MMAB: variants seen among roughly 807,000 people sequenced by gnomAD.
MMAB encodes metabolism of cobalamin associated B, also known as corrinoid adenosyltransferase MMAB.
A neutral mutation model predicts 30.6 loss-of-function variants in MMAB; 17 were observed. That is an observed-to-expected ratio of 0.56 (90% CI 0.38 to 0.83). The LOEUF is 0.83. Among genes scored for constraint, MMAB ranks in the 40% least tolerant of loss-of-function variants. The probability of loss-of-function intolerance (pLI) is 0.00; values close to 1 mark genes in which losing one functional copy is unlikely to be tolerated. For synonymous variants in MMAB, 134 were observed against 138.6 expected (o/e 0.97, Z 0.23); for missense variants, 311 against 331.6 (o/e 0.94, Z 0.48).
rs950060550 is a variant in MMAB, at chr12:109,561,923, G to A, written c.349-71C>T. ...CTGGACAGAGACAATGTGCAGAGGC[G>A]CCACCTAATACGCCGGCAAAGCCTG... On this transcript the variant is annotated intron_variant, in intron 4 of 8. Transcript: ENST00000545712. The surrounding 1 kb of genome is among the most constrained non-coding windows in gnomAD (Gnocchi z 5.3). The A allele has an allele frequency of 2.2e-5, 31 of 1,390,696 alleles. 1 individual carries two copies. In the Admixed American group the frequency reaches 3.1e-4, roughly 14 times the overall value. The allele number at this position is 1,390,696 out of a possible 1,614,324, so 86.1% of individuals were successfully genotyped here. A position where few individuals can be genotyped will look rare whatever the true frequency, so the allele number is the denominator to read the frequency against.
In MMAB at chr12:109,561,041, G is replaced by T. The variant is rs199853576; in HGVS notation, c.583C>A (p.Arg195Ser). The T allele has an allele frequency of 1.4e-6, 2 of 1,439,994 alleles. No individual in the cohort carries two copies. Among genetic ancestry groups the T allele is most frequent in the Non-Finnish European group, 9.3e-7 (1 of 1,076,320 alleles). 89.2% of individuals were successfully genotyped at this position (1,439,994 alleles called of 1,614,324 possible). The change falls in exon 7 of 9, where the codon CGT becomes AGT. Residue 195 changes from arginine to serine, a missense_variant and splice_region_variant. Arg to Ser is a moderately radical substitution (Grantham distance 110). Transcript: ENST00000545712. This position sits in a 1 kb window ranked among gnomAD's most constrained non-coding sequence, Gnocchi z 5.3. Reference protein sequence around the residue: ...CRAVCRRAERRVVPLVQMGET... With the variant: ...CRAVCRRAERSVVPLVQMGET... ...TCTCCCTCTCTCCAGCCCTCTTACC[G>T]TCTCTCGGCCCGGCGGCACACGGCC...
At chr12:109,567,404 C>G (rs776505070) in intron 3 of MMAB, among the ~76,000 whole-genome samples, 2 of 152,160 alleles carry the variant, frequency 1.3e-5, no homozygotes, top group Non-Finnish European at 2.9e-5. Flanking sequence ...GCAGCTGGGT[C>G]TGTCTGGCTC....
At chr12:109,560,059 G>A (rs1003449659) in intron 7 of MMAB, among the ~76,000 whole-genome samples, 1 of 152,236 alleles carries the variant, frequency 6.6e-6, no homozygotes, top group Non-Finnish European at 1.5e-5. Context: ...GTTGTTTCCA[G>A]TTTCTTGCTA....
intron 1 of MMAB, among the ~76,000 whole-genome samples, chr12:109,572,236 T>C (rs979233834): frequency 6.6e-6 from 1 of 150,446 alleles, no homozygotes; most frequent in Non-Finnish European, 1.5e-5. Context: ...AAATTATTTA[T>C]TTATTTATTA....
chr12:109,571,359 C>G (rs944443716), intron 2 of MMAB, among the ~76,000 whole-genome samples: 1 of 152,012 alleles, frequency 6.6e-6, no homozygotes, highest in African/African-American at 2.4e-5. Flanking sequence ...AGCAATTCTC[C>G]TGCCTCAGCC....
intron 4 of MMAB, among the ~76,000 whole-genome samples, chr12:109,563,098 G>C (rs1884273388): frequency 6.6e-6 from 1 of 152,248 alleles, no homozygotes; most frequent in Admixed American, 6.5e-5. Context: ...CCTTCCCAGG[G>C]CTTCTGACCA....
In MMAB at chr12:109,557,081, G is replaced by A. The variant is rs369296618; in HGVS notation, c.700C>T (p.Gln234Ter). The change falls in exon 9 of 9, where the codon CAA becomes TAA. Residue 234 changes from glutamine to a stop codon, truncating the protein, a stop_gained. Transcript: ENST00000545712. LOFTEE classifies it low-confidence loss of function (END_TRUNC). ...TCATTTTTCATGTATATTTTCTCTT[G>A]ATTCCCCTCCTTCATGGCTGCATAT... is the stretch of plus-strand genomic sequence containing the variant. ...ARYAAMKEGN[Q>*]EKIYMKNDPS... 266 of 1,613,778 alleles carry A rather than the reference G, an allele frequency of 1.6e-4. No individual in the cohort carries two copies. The highest frequency in any genetic ancestry group is 2.2e-4 in the Non-Finnish European group (258 of 1,179,772).
chr12:109,556,834 G>T lies in MMAB; in HGVS notation c.*194C>A. The T allele has an allele frequency of 1.5e-6, 1 of 678,486 alleles. No homozygotes were observed. The highest frequency in any genetic ancestry group is 2.7e-6 in the Non-Finnish European group (1 of 371,064). 42.0% of individuals were successfully genotyped at this position (678,486 alleles called of 1,614,324 possible). A position where few individuals can be genotyped will look rare whatever the true frequency, so the allele number is the denominator to read the frequency against. ...GGAGAGCTTGGGGAAGCAGGGTCAG[G>T]GACAGAATCCCCAAAGGGTCACAGT... On this transcript the variant is annotated 3_prime_UTR_variant, in exon 9 of 9. Transcript: ENST00000545712.
Position 109,554,758 on chromosome 12 carries a change from C to G in MMAB, c.*2270G>C, listed in dbSNP as rs1017558628. The stretch of plus-strand genomic sequence containing the variant: ...CACATCTTTTCTTTTGCCTCGGGCT[C>G]TTGATAGAGCTTTTGAAAGGCACTG... On this transcript the variant is annotated 3_prime_UTR_variant, in exon 9 of 9. Transcript: ENST00000545712. 3.7e-5 allele frequency: 17 copies of G among 454,030 alleles called. No individual in the cohort carries two copies. The highest frequency in any genetic ancestry group is 7.5e-5 in the Non-Finnish European group (17 of 226,812). 28.1% of individuals were successfully genotyped at this position (454,030 alleles called of 1,614,324 possible).
rs1279064846 is a variant in MMAB at position 109,561,938 on chromosome 12, G to A, written c.349-86C>T. The A allele has an allele frequency of 3.0e-5, 36 of 1,203,234 alleles. No individual in the cohort carries two copies. Among genetic ancestry groups the A allele is most frequent in the South Asian group, 5.2e-5 (4 of 77,036 alleles). 74.5% of individuals were successfully genotyped at this position (1,203,234 alleles called of 1,614,324 possible). Reference sequence around the variant, plus strand: ...GTGCAGAGGCGCCACCTAATACGCCGGCAAAGCCTGTGCCAGCTAGCTCAT... The same window carrying A: ...GTGCAGAGGCGCCACCTAATACGCCAGCAAAGCCTGTGCCAGCTAGCTCAT... On this transcript the variant is annotated intron_variant, in intron 4 of 8. Coordinates refer to ENST00000545712, the MANE Select transcript of MMAB (RefSeq NM_052845.4). The surrounding 1 kb of genome is among the most constrained non-coding windows in gnomAD (Gnocchi z 5.3).
At chr12:109,573,171 A>C in intron 1 of MMAB, 176 bp downstream of exon 1, 1 of 769,308 alleles carries the variant, frequency 1.3e-6, no homozygotes, top group South Asian at 1.6e-5. Flanking sequence ...GACTTAGGCA[A>C]AGACTACCTG....
Position 109,553,934 on chromosome 12 carries a change from T to A in MMAB, c.*3094A>T. ...TTTGTCATTGGGATGTGTTACAAGT[T>A]CGGGCTGTGGAAATTACTCGATGAA... On this transcript the variant is annotated 3_prime_UTR_variant, in exon 9 of 9. Coordinates refer to ENST00000545712, the MANE Select transcript of MMAB (RefSeq NM_052845.4). The A allele has an allele frequency of 2.2e-6, 1 of 454,036 alleles. No homozygotes were observed. Among genetic ancestry groups the A allele is most frequent in the Non-Finnish European group, 4.4e-6 (1 of 226,772 alleles). The allele number at this position is 454,036 out of a possible 1,614,324, so 28.1% of individuals were successfully genotyped here.
Position 109,555,165 on chromosome 12 carries a change from A to G in MMAB, c.*1863T>C, listed in dbSNP as rs1005962939. The G allele has an allele frequency of 2.2e-6, 1 of 452,442 alleles. No homozygotes were observed. The highest frequency in any genetic ancestry group is 4.4e-6 in the Non-Finnish European group (1 of 226,570). 28.0% of individuals were successfully genotyped at this position (452,442 alleles called of 1,614,324 possible). A position where few individuals can be genotyped will look rare whatever the true frequency, so the allele number is the denominator to read the frequency against. On this transcript the variant is annotated 3_prime_UTR_variant, in exon 9 of 9. Coordinates refer to ENST00000545712, the MANE Select transcript of MMAB (RefSeq NM_052845.4). ...CTGCTGTGTTATTTTATATATATAT[A>G]TATATTCCAGGAAGATTTTGAGATT...
chr12:109,561,535 A>G lies in MMAB; in HGVS notation c.422-18T>C, dbSNP rs1286944090. On this transcript the variant is annotated intron_variant, in intron 5 of 8. Coordinates refer to ENST00000545712, the MANE Select transcript of MMAB (RefSeq NM_052845.4). The surrounding 1 kb of genome is among the most constrained non-coding windows in gnomAD (Gnocchi z 5.3). Reference sequence around the variant, plus strand: ...GGTATACTCTGAGGAGCCAAGGAGCAGAGGGAACTGCCATGAGGCCATCAC... The same window carrying G: ...GGTATACTCTGAGGAGCCAAGGAGCGGAGGGAACTGCCATGAGGCCATCAC... The G allele has an allele frequency of 1.3e-6, 2 of 1,542,188 alleles. No individual in the cohort carries two copies. The highest frequency in any genetic ancestry group is 1.7e-6 in the Non-Finnish European group (2 of 1,143,340).
chr12:109,573,444 C>G lies in MMAB; in HGVS notation c.37G>C (p.Gly13Arg), dbSNP rs1884743370. 4 of 1,606,784 alleles carry G rather than the reference C, an allele frequency of 2.5e-6. No homozygotes were observed. Among genetic ancestry groups the G allele is most frequent in the Non-Finnish European group, 3.4e-6 (4 of 1,177,876 alleles). The change falls in exon 1 of 9, where the codon GGG (glycine) becomes CGG (arginine). Residue 13 changes from glycine (G) to arginine (R), a missense_variant. Coordinates refer to ENST00000545712, the MANE Select transcript of MMAB (RefSeq NM_052845.4). The part of the protein sequence containing the change: ...VCGLGSRLGL[G>R]SRLGLRGCFG... ...CACCCGCGCAGGCCAAGACGGCTCCCCAGGCCAAGACGGCTCCCCAGGCCG... is the reference window on the plus strand; with the variant it reads ...CACCCGCGCAGGCCAAGACGGCTCCGCAGGCCAAGACGGCTCCCCAGGCCG...
intron 3 of MMAB, among the ~76,000 whole-genome samples, chr12:109,565,791 G>A (rs529509771): frequency 9.2e-5 from 14 of 152,316 alleles, no homozygotes; most frequent in African/African-American, 2.6e-4. Context: ...CTTCCTGGAG[G>A]AGGTGATGCT....
At chr12:109,557,716 C>T (rs1404010214) in intron 8 of MMAB, among the ~76,000 whole-genome samples, 1 of 152,216 alleles carries the variant, frequency 6.6e-6, no homozygotes, top group East Asian at 1.9e-4. Context: ...CTTTGGTCTC[C>T]ACCCACCAGG....
At position 109,561,449 on chromosome 12, in the gene MMAB, G is replaced by A. The variant is rs1393437649; in HGVS notation, c.490C>T (p.Leu164Phe). ...EQWIDKYTSQ[L>F]PPLTAFILPS... ...AGGATGAAGGCCGTGAGTGGTGGGA[G>A]CTGGCTGGTGTACTTGTCGATCCAC... The change falls in exon 6 of 9, where the codon CTC (leucine) becomes TTC (phenylalanine). Residue 164 changes from leucine to phenylalanine, a missense_variant. Physicochemically the swap from Leu to Phe is conservative, Grantham distance 22. Coordinates refer to ENST00000545712, the MANE Select transcript of MMAB (RefSeq NM_052845.4). The surrounding 1 kb of genome is among the most constrained non-coding windows in gnomAD (Gnocchi z 5.3). 8.4e-6 allele frequency: 13 copies of A among 1,550,846 alleles called. No homozygotes were observed. The highest frequency in any genetic ancestry group is 1.1e-5 in the Non-Finnish European group (13 of 1,146,986).
Position 109,553,901 on chromosome 12 carries a change from T to G in MMAB, c.*3127A>C. 1 of 454,084 alleles carries G rather than the reference T, an allele frequency of 2.2e-6. No homozygotes were observed. Among genetic ancestry groups the G allele is most frequent in the Non-Finnish European group, 4.4e-6 (1 of 226,776 alleles). The allele number at this position is 454,084 out of a possible 1,614,324, so 28.1% of individuals were successfully genotyped here. ...TTGCCACTGACGGGGGCTTCCGAACTGGGGACGTTTGTCATTGGGATGTGT... is the reference window on the plus strand; with the variant it reads ...TTGCCACTGACGGGGGCTTCCGAACGGGGGACGTTTGTCATTGGGATGTGT... On this transcript the variant is annotated 3_prime_UTR_variant, in exon 9 of 9. Coordinates refer to ENST00000545712, the MANE Select transcript of MMAB (RefSeq NM_052845.4).
Sources: gnomAD v4.1 joint callset for allele counts (sites outside exome capture counted in the v4.1 genomes callset) on GRCh38, gnomAD v4.1.1 for gene constraint, Gnocchi (gnomAD v3.1) non-coding constraint, MANE v1.5 for transcripts, NCBI Gene and HGNC (gene_info 2026-07-23, HGNC 2026-07-21) for gene names.